The following ASB4 variants were observed in gnomAD, a reference collection of about 807,000 sequenced individuals.
ASB4 encodes the protein ankyrin repeat and SOCS box containing 4.
ASB4 carries 35 observed loss-of-function variants against 38.6 expected under a neutral mutation model. The ratio of observed to expected loss-of-function variants is 0.91; its 90% CI spans 0.69 to 1.20. The LOEUF (loss-of-function observed/expected upper bound fraction) is 1.20. Among genes scored for constraint, ASB4 ranks in the 50% most tolerant of loss-of-function variants. The probability of loss-of-function intolerance (pLI) is 0.00; values close to 1 mark genes in which losing one functional copy is unlikely to be tolerated. For missense variants in ASB4, 557 were observed against 527.2 expected (o/e 1.06, Z -0.55); for synonymous variants, 195 against 201.3 (o/e 0.97, Z 0.26).
intron 1 of ASB4, among the ~76,000 whole-genome samples, chr7:95,494,304 A>G (rs1790215599): frequency 6.6e-6 from 1 of 152,218 alleles, no homozygotes; most frequent in East Asian, 1.9e-4. Flanking sequence ...TTATGACCTT[A>G]TCTAATCAGT....
intron 2 of ASB4, among the ~76,000 whole-genome samples, chr7:95,500,947 T>C (rs891971875): frequency 5.3e-5 from 8 of 152,172 alleles, no homozygotes; most frequent in African/African-American, 1.9e-4. Context: ...ATTTGGAGCT[T>C]ACTCACATTT....
At chr7:95,472,732 T>C in the ASB4 span, among the ~76,000 whole-genome samples, 1 of 152,116 alleles carries the variant, frequency 6.6e-6, no homozygotes, top group Non-Finnish European at 1.5e-5. Flanking sequence ...CTTTGCAGTA[T>C]GATAAAACGC....
At chr7:95,520,833 T>A (rs1790652444) in intron 2 of ASB4, among the ~76,000 whole-genome samples, 2 of 152,192 alleles carry the variant, frequency 1.3e-5, no homozygotes, top group Admixed American at 1.3e-4. Flanking sequence ...TTTCTCTTTA[T>A]GCATCAACAC....
intron 3 of ASB4, among the ~76,000 whole-genome samples, chr7:95,532,095 A>C (rs776370962): frequency 6.6e-6 from 1 of 152,222 alleles, no homozygotes; most frequent in Non-Finnish European, 1.5e-5. Context: ...TACTATGCAG[A>C]TGCTTCAAAG....
chr7:95,494,628 C>T (rs568595543), intron 1 of ASB4, among the ~76,000 whole-genome samples: 2 of 152,326 alleles, frequency 1.3e-5, no homozygotes, highest in South Asian at 4.1e-4. Flanking sequence ...TTCTTGCCCT[C>T]AGTATTTTTT....
chr7:95,549,901 G>A, the ASB4 span, among the ~76,000 whole-genome samples: 17 of 152,148 alleles, frequency 1.1e-4, no homozygotes, highest in African/African-American at 3.9e-4. Context: ...CAGGGAGTGA[G>A]TCACTAGCTC....
At chr7:95,515,370 TTC>T (rs1392049682) in intron 2 of ASB4, among the ~76,000 whole-genome samples, 40 of 147,838 alleles carry the variant, frequency 2.7e-4, no homozygotes, top group African/African-American at 8.2e-4. Flanking sequence ...TTTCTTTTCT[TTC>T]TTTCTTTTCT....
At chr7:95,517,659 G>A (rs545604475) in intron 2 of ASB4, among the ~76,000 whole-genome samples, 1 of 152,232 alleles carries the variant, frequency 6.6e-6, no homozygotes, top group Admixed American at 6.5e-5. Context: ...TAGTAGAGAG[G>A]TGTGGTAACT....
At chr7:95,485,423 T>C (rs1205492045), upstream of ASB4, among the ~76,000 whole-genome samples, 2 of 152,132 alleles carry the variant, frequency 1.3e-5, no homozygotes, top group African/African-American at 4.8e-5. Context: ...ATTTTTCAAG[T>C]CTAGGTCACT....
downstream of ASB4, chr7:95,544,415 G>C (rs957357771): frequency 2.0e-5 from 3 of 152,170 alleles, no homozygotes; most frequent in Non-Finnish European, 4.4e-5. Flanking sequence ...GAAAACACAG[G>C]CATCAGCAAA....
intron 3 of ASB4, among the ~76,000 whole-genome samples, chr7:95,535,221 G>A (rs984881167): frequency 5.9e-5 from 9 of 152,236 alleles, no homozygotes; most frequent in Non-Finnish European, 1.2e-4. Context: ...AGGTTGTCGA[G>A]CAACACATTT....
chr7:95,475,644 A>G (rs1384370989), upstream of ASB4, among the ~76,000 whole-genome samples: 3 of 152,134 alleles, frequency 2.0e-5, no homozygotes, highest in African/African-American at 4.8e-5. Flanking sequence ...TCAGCTTCCC[A>G]AAGTGCTGAG....
intron 2 of ASB4, among the ~76,000 whole-genome samples, chr7:95,524,553 T>C (rs114696574): frequency 2.4e-4 from 36 of 152,294 alleles, no homozygotes; most frequent in African/African-American, 7.0e-4. Context: ...TTATGTGTTA[T>C]GGGTCGAATT....
intron 1 of ASB4, among the ~76,000 whole-genome samples, chr7:95,488,904 A>G (rs190979154): frequency 7.5e-4 from 114 of 152,362 alleles, no homozygotes; most frequent in East Asian, 1.3e-3. Flanking sequence ...CACAAAACCT[A>G]TAACGAATCT....
chr7:95,492,768 C>G (rs1265225771), intron 1 of ASB4, among the ~76,000 whole-genome samples: 1 of 152,178 alleles, frequency 6.6e-6, no homozygotes, highest in Non-Finnish European at 1.5e-5. Context: ...TCCTGGTTTT[C>G]AGACCTGGAA....
intron 2 of ASB4, among the ~76,000 whole-genome samples, chr7:95,527,517 T>A (rs1450253684): frequency 6.6e-6 from 1 of 152,200 alleles, no homozygotes; most frequent in African/African-American, 2.4e-5. Context: ...TATTTCCAAA[T>A]CCACCTGGGA....
chr7:95,535,706 T>C (rs984668921), intron 3 of ASB4, among the ~76,000 whole-genome samples: 2 of 152,224 alleles, frequency 1.3e-5, no homozygotes, highest in Non-Finnish European at 2.9e-5. Context: ...GGTTGGTTAA[T>C]AAACTATTAA....
At chr7:95,471,142 G>A in the ASB4 span, among the ~76,000 whole-genome samples, 1 of 152,034 alleles carries the variant, frequency 6.6e-6, no homozygotes, top group African/African-American at 2.4e-5. Context: ...TCCATATCCT[G>A]CACAATTGCC....
At chr7:95,515,223 TTCTTTCTTTTTCTTTC>T (rs1790549596) in intron 2 of ASB4, among the ~76,000 whole-genome samples, 2 of 131,324 alleles carry the variant, frequency 1.5e-5, no homozygotes, top group African/African-American at 6.6e-5. Context: ...CTTTCTTTCT[TTCTTTCTTTTTCTTTC>T]TTTCTTTCTT....
Sources: gnomAD v4.1 joint callset for allele counts (sites outside exome capture counted in the v4.1 genomes callset) on GRCh38, gnomAD v4.1.1 for gene constraint, MANE v1.5 for transcripts, NCBI Gene and HGNC (gene_info 2026-07-23, HGNC 2026-07-21) for gene names.